CSNK1G1: variants seen among roughly 807,000 people sequenced by gnomAD.
CSNK1G1 encodes the protein casein kinase 1 gamma 1, also known as casein kinase I isoform gamma-1.
In CSNK1G1, 22 loss-of-function variants were observed where a neutral mutation model predicts 59.6. That is an observed-to-expected ratio of 0.37 (90% CI 0.26 to 0.53). CSNK1G1 has a LOEUF of 0.53. Ranked by LOEUF, CSNK1G1 falls within the 20% of genes least tolerant of loss-of-function variation. CSNK1G1 has a pLI of 0.89. For missense variants in CSNK1G1, 384 were observed against 519.5 expected, an observed-to-expected ratio of 0.74 and a Z score of 2.54; for synonymous variants, 179 against 177.1, an observed-to-expected ratio of 1.01 and a Z score of -0.08.
At chr15:64,189,069 T>G (rs911550939) in intron 10 of CSNK1G1, among the ~76,000 whole-genome samples, 1 of 152,198 alleles carries the variant, frequency 6.6e-6, no homozygotes, top group Middle Eastern at 3.4e-3. Flanking sequence ...GAGGTTGCAG[T>G]GAGCCAAGAT....
At chr15:64,249,928 G>A (rs934443396) in intron 4 of CSNK1G1, among the ~76,000 whole-genome samples, 1 of 152,154 alleles carries the variant, frequency 6.6e-6, no homozygotes, top group Non-Finnish European at 1.5e-5. Flanking sequence ...AGGAAATCCT[G>A]AAAACTGGCC....
chr15:64,306,624 T>G (rs1117087), intron 1 of CSNK1G1, among the ~76,000 whole-genome samples: 122,375 of 152,044 alleles, frequency 0.8, 50,400 homozygotes, highest in East Asian at 0.95. Flanking sequence ...CCAGCACATT[T>G]CTTGGTATTG....
intron 2 of CSNK1G1, among the ~76,000 whole-genome samples, chr15:64,268,553 T>TG (rs1019285471): frequency 2.0e-5 from 3 of 152,236 alleles, no homozygotes; most frequent in African/African-American, 7.2e-5. Flanking sequence ...GGGTTTCTTC[T>TG]GGGTACTCCA....
intron 1 of CSNK1G1, among the ~76,000 whole-genome samples, chr15:64,353,646 CA>C (rs11301406): frequency 0.81 from 92,180 of 113,274 alleles, 37,691 homozygotes; most frequent in East Asian, 0.94. Flanking sequence ...GACTCCATTT[CA>C]AAAAAAAAAA....
intron 1 of CSNK1G1, among the ~76,000 whole-genome samples, chr15:64,303,851 T>A (rs1349187004): frequency 6.8e-6 from 1 of 147,186 alleles, no homozygotes; most frequent in Non-Finnish European, 1.5e-5. Flanking sequence ...CATGGGAGGT[T>A]CAAGGACGCA....
intron 2 of CSNK1G1, among the ~76,000 whole-genome samples, chr15:64,259,588 TTTCAAAGAGATTTTAGCTC>T (rs1320212894): frequency 1.3e-5 from 2 of 151,896 alleles, no homozygotes; most frequent in African/African-American, 4.8e-5. Context: ...AATGCCAGAA[TTTCAAAGAGATTTTAGCTC>T]TTGGCACAAT....
Position 64,192,142 on chromosome 15 carries a change from C to G in CSNK1G1, c.1107+10940G>C, listed in dbSNP as rs564214405. On this transcript the variant is annotated intron_variant, in intron 10 of 11. Transcript: ENST00000303052. ...GATTAAGCAAACTAGTGGAAGAGATCAGCATGTAAATCCTTCATTCTTAAA... is the reference window on the plus strand; with the variant it reads ...GATTAAGCAAACTAGTGGAAGAGATGAGCATGTAAATCCTTCATTCTTAAA... Among the ~76,000 whole-genome samples the G allele has an allele frequency of 3.7e-4, 57 of 152,334 alleles. 1 individual carries two copies. The highest frequency in any genetic ancestry group is 1.2e-3 in the African/African-American group (50 of 41,582).
At chr15:64,291,396 G>A (rs968598427) in intron 2 of CSNK1G1, among the ~76,000 whole-genome samples, 3 of 152,000 alleles carry the variant, frequency 2.0e-5, no homozygotes, top group African/African-American at 7.3e-5. Context: ...AGACCAGCCT[G>A]GCCAACATGG....
chr15:64,269,698 T>C lies in CSNK1G1; in HGVS notation c.182-10457A>G, dbSNP rs563009869. ...TAGCAGAGACAGGGTTTTGCCATGT[T>C]GGCCAGACTGGTCTTGAACTCCTGA... On this transcript the variant is annotated intron_variant, in intron 2 of 11. Coordinates refer to ENST00000303052, the MANE Select transcript of CSNK1G1 (RefSeq NM_022048.5). Among the ~76,000 whole-genome samples the C allele has an allele frequency of 3.3e-5, 5 of 152,318 alleles. No individual in the cohort carries two copies. In the South Asian group the frequency reaches 1.0e-3, roughly 32 times the overall value.
chr15:64,338,028 C>T (rs545367325), intron 1 of CSNK1G1, among the ~76,000 whole-genome samples: 14 of 152,302 alleles, frequency 9.2e-5, no homozygotes, highest in Admixed American at 4.6e-4. Flanking sequence ...TGTCAACAGG[C>T]GCTTGGTTGG....
At chr15:64,271,108 G>A (rs1218745581) in intron 2 of CSNK1G1, among the ~76,000 whole-genome samples, 1 of 151,700 alleles carries the variant, frequency 6.6e-6, no homozygotes, top group East Asian at 1.9e-4. Context: ...TCAGTCTCCT[G>A]AGCAGAGTAG....
chr15:64,309,156 G>A (rs969106439), intron 1 of CSNK1G1, among the ~76,000 whole-genome samples: 1 of 151,960 alleles, frequency 6.6e-6, no homozygotes, highest in African/African-American at 2.4e-5. Flanking sequence ...CTCTTATGTA[G>A]TCCTTTTAGT....
Position 64,213,903 on chromosome 15 carries a change from C to A in CSNK1G1, c.666G>T (p.Thr222=). Residue 222 remains threonine (T), a synonymous_variant, in exon 6 of 12, where the codon ACG becomes ACT. Transcript: ENST00000303052. ...TGTARYMSIN[T]HLGKEQSRRD... is the part of the protein sequence containing the mutation. Reference sequence around the variant, plus strand: ...AAAAAAACACACCTTTGCCAAGATGCGTGTTGATAGACATATATCTTGCAG... The same window carrying A: ...AAAAAAACACACCTTTGCCAAGATGAGTGTTGATAGACATATATCTTGCAG... 6.2e-7 allele frequency: 1 copy of A among 1,610,902 alleles called. No homozygotes were observed. Among genetic ancestry groups the A allele is most frequent in the South Asian group, 1.1e-5 (1 of 90,930 alleles).
rs1182317207 is a variant in CSNK1G1 at position 64,240,427 on chromosome 15, C to A, written c.292+11085G>T. ...CATGTCTAAGGAGAGATATGAACAT[C>A]CAGGTCCAGGGAGCTCAAAGGTTCC... On this transcript the variant is annotated intron_variant, in intron 4 of 11. Transcript: ENST00000303052. 8.5e-5 allele frequency among the ~76,000 whole-genome samples: 13 copies of A among 152,142 alleles called. No homozygotes were observed. In the East Asian group the frequency reaches 2.5e-3, roughly 29 times the overall value.
chr15:64,298,992 A>T (rs1410677073), intron 2 of CSNK1G1, among the ~76,000 whole-genome samples: 1 of 152,118 alleles, frequency 6.6e-6, no homozygotes, highest in Non-Finnish European at 1.5e-5. Flanking sequence ...GTGAGCTGAG[A>T]TCGCACCACT....
Position 64,200,662 on chromosome 15 carries a change from A to C in CSNK1G1, c.1107+2420T>G, listed in dbSNP as rs1216212569. Among the ~76,000 whole-genome samples the C allele has an allele frequency of 6.6e-6, 1 of 152,208 alleles. No individual in the cohort carries two copies. Among genetic ancestry groups the C allele is most frequent in the Non-Finnish European group, 1.5e-5 (1 of 68,038 alleles). On this transcript the variant is annotated intron_variant, in intron 10 of 11. Transcript: ENST00000303052. The surrounding 1 kb of genome is among the most constrained non-coding windows in gnomAD (Gnocchi z 4.3). ...CGCCTGGCCGCATTATAGAGTAATA[A>C]AACTTCATTTAAAATATTTTAGAAT...
chr15:64,355,231 T>C (rs962250871), intron 1 of CSNK1G1, among the ~76,000 whole-genome samples: 4 of 152,196 alleles, frequency 2.6e-5, no homozygotes, highest in African/African-American at 9.7e-5. Flanking sequence ...TGTTAAATGC[T>C]TTTCAGAATT....
chr15:64,310,133 G>A (rs143857711), intron 1 of CSNK1G1, among the ~76,000 whole-genome samples: 34 of 152,032 alleles, frequency 2.2e-4, no homozygotes, highest in African/African-American at 8.2e-4. Flanking sequence ...GGGTGGGTAG[G>A]TTTTGTTTTA....
At chr15:64,297,004 C>T (rs779257005) in intron 2 of CSNK1G1, among the ~76,000 whole-genome samples, 1 of 143,390 alleles carries the variant, frequency 7.0e-6, no homozygotes, top group Non-Finnish European at 1.5e-5. Context: ...ACCACCCCCA[C>T]ATAAACCTGG....
Sources: gnomAD v4.1 joint callset for allele counts (sites outside exome capture counted in the v4.1 genomes callset) on GRCh38, gnomAD v4.1.1 for gene constraint, Gnocchi (gnomAD v3.1) non-coding constraint, MANE v1.5 for transcripts, NCBI Gene and HGNC (gene_info 2026-07-23, HGNC 2026-07-21) for gene names.